The following FNDC3A variants were observed in gnomAD, a reference collection of about 807,000 sequenced individuals.
FNDC3A encodes the protein fibronectin type-III domain-containing protein 3A.
FNDC3A carries 32 observed loss-of-function variants against 148.9 expected under a neutral mutation model. The ratio of observed to expected loss-of-function variants is 0.21; its 90% CI spans 0.16 to 0.29. FNDC3A has a LOEUF of 0.29. Ranked by LOEUF, FNDC3A falls within the 10% of genes least tolerant of loss-of-function variation. FNDC3A has a pLI of 1.00. For synonymous variants in FNDC3A, 472 were observed against 473.6 expected (o/e 1.00, Z 0.04); for missense variants, 1,191 against 1,452.8 (o/e 0.82, Z 2.93).
At chr13:49,070,090 A>G (rs1375675282) in intron 2 of FNDC3A, among the ~76,000 whole-genome samples, 3 of 152,198 alleles carry the variant, frequency 2.0e-5, no homozygotes, top group Non-Finnish European at 2.9e-5. Flanking sequence ...TAATAGAAAT[A>G]TAATACAAGC....
intron 4 of FNDC3A, among the ~76,000 whole-genome samples, chr13:49,117,300 G>C (rs146865819): frequency 6.6e-6 from 1 of 152,052 alleles, no homozygotes; most frequent in South Asian, 2.1e-4. Flanking sequence ...GGCTTTACAC[G>C]GTTCTGTCCT....
At chr13:49,048,131 A>G (rs899672642) in intron 2 of FNDC3A, among the ~76,000 whole-genome samples, 4 of 151,982 alleles carry the variant, frequency 2.6e-5, no homozygotes, top group Admixed American at 6.6e-5. Context: ...TGGGTTTTCT[A>G]TTCTACTCCA....
rs115881788 is a variant in FNDC3A at position 49,066,307 on chromosome 13, C to G, written c.100-8982C>G. Among the ~76,000 whole-genome samples, 634 of 152,294 alleles carry G rather than the reference C, an allele frequency of 4.2e-3. 5 individuals carry two copies. Among genetic ancestry groups the G allele is most frequent in the African/African-American group, 0.015 (607 of 41,556 alleles). On this transcript the variant is annotated intron_variant, in intron 2 of 25. Transcript: ENST00000492622. Reference sequence around the variant, plus strand: ...TTCATTTGTGACTTCTGAACTAACTCTCAAGGCAATCTAGAAAAAAGTAGT... The same window carrying G: ...TTCATTTGTGACTTCTGAACTAACTGTCAAGGCAATCTAGAAAAAAGTAGT...
intron 8 of FNDC3A, among the ~76,000 whole-genome samples, chr13:49,165,418 T>C (rs1032252436): frequency 6.6e-6 from 1 of 152,208 alleles, no homozygotes; most frequent in African/African-American, 2.4e-5. Flanking sequence ...GTAGTCTTTG[T>C]ATAACTTCTG....
intron 4 of FNDC3A, among the ~76,000 whole-genome samples, chr13:49,116,888 A>AGG (rs925303958): frequency 3.2e-4 from 48 of 152,132 alleles, no homozygotes; most frequent in Admixed American, 3.1e-3. Context: ...CAAGTCTTGA[A>AGG]GGACAGGTGG....
intron 2 of FNDC3A, among the ~76,000 whole-genome samples, chr13:49,008,990 A>C (rs897909880): frequency 2.0e-5 from 3 of 152,152 alleles, no homozygotes; most frequent in Non-Finnish European, 4.4e-5. Flanking sequence ...ATGCGTTATT[A>C]TTAAGTAAGG....
chr13:49,075,824 C>T (rs1878065920), intron 3 of FNDC3A, among the ~76,000 whole-genome samples: 2 of 145,624 alleles, frequency 1.4e-5, no homozygotes, highest in Non-Finnish European at 3.0e-5. Context: ...CACCCCCACC[C>T]CCCCTTTCAG....
At chr13:49,190,934 A>G (rs867969995) in intron 17 of FNDC3A, 81 bp from the exon 18 acceptor site, 4 of 838,512 alleles carry the variant, frequency 4.8e-6, no homozygotes, top group East Asian at 5.0e-5. Context: ...ATTTGTGTTT[A>G]TATTATTTTT....
intron 7 of FNDC3A, among the ~76,000 whole-genome samples, chr13:49,145,556 A>G (rs946588315): frequency 6.6e-6 from 1 of 152,148 alleles, no homozygotes; most frequent in Non-Finnish European, 1.5e-5. Context: ...GTCTACGCTA[A>G]TAGTTTTGAA....
intron 1 of FNDC3A, among the ~76,000 whole-genome samples, chr13:48,993,445 AATAGGACTTT>A (rs1951957897): frequency 6.6e-6 from 1 of 152,214 alleles, no homozygotes; most frequent in Non-Finnish European, 1.5e-5. Context: ...TTAGAGCAAC[AATAGGACTTT>A]AGATTCTTAG....
chr13:49,058,287 T>C (rs959975585), intron 2 of FNDC3A, among the ~76,000 whole-genome samples: 2 of 151,978 alleles, frequency 1.3e-5, no homozygotes, highest in African/African-American at 4.8e-5. Flanking sequence ...CACCAGTAAT[T>C]AGAAAGGAAC....
intron 19 of FNDC3A, among the ~76,000 whole-genome samples, chr13:49,192,428 G>T (rs192383010): frequency 1.1e-4 from 17 of 152,144 alleles, no homozygotes; most frequent in African/African-American, 4.1e-4. Flanking sequence ...CCAAGTAGCT[G>T]GGACCACAGG....
At chr13:49,084,001 C>G (rs777733511) in intron 3 of FNDC3A, among the ~76,000 whole-genome samples, 1 of 152,198 alleles carries the variant, frequency 6.6e-6, no homozygotes, top group African/African-American at 2.4e-5. Flanking sequence ...TTTAACAAGT[C>G]TATCTGTGCA....
Position 49,071,342 on chromosome 13 carries a change from A to G in FNDC3A, c.100-3947A>G, listed in dbSNP as rs537044283. ...GAATAGTGCTGCAATAAACATGGGAATACAAATATCTCTTTGATATACTGA... is the reference window on the plus strand; with the variant it reads ...GAATAGTGCTGCAATAAACATGGGAGTACAAATATCTCTTTGATATACTGA... On this transcript the variant is annotated intron_variant, in intron 2 of 25. Coordinates refer to ENST00000492622, the MANE Select transcript of FNDC3A (RefSeq NM_001079673.2). 2.8e-4 allele frequency among the ~76,000 whole-genome samples: 42 copies of G among 152,228 alleles called. No homozygotes were observed. In the South Asian group the frequency reaches 8.3e-3, roughly 30 times the overall value.
chr13:49,013,540 G>A (rs1952409835), intron 2 of FNDC3A, among the ~76,000 whole-genome samples: 1 of 151,176 alleles, frequency 6.6e-6, no homozygotes, highest in Admixed American at 6.6e-5. Flanking sequence ...GTATATACGT[G>A]TACATGTGTA....
At chr13:49,106,343 C>T (rs1003263877) in intron 3 of FNDC3A, among the ~76,000 whole-genome samples, 4 of 152,166 alleles carry the variant, frequency 2.6e-5, no homozygotes, top group Admixed American at 1.3e-4. Flanking sequence ...GATGGGGTCT[C>T]ACTCTGTTGT....
At chr13:49,003,296 C>T (rs1952160263) in intron 1 of FNDC3A, among the ~76,000 whole-genome samples, 2 of 152,202 alleles carry the variant, frequency 1.3e-5, no homozygotes, top group South Asian at 4.1e-4. Context: ...ATCTCCTGAC[C>T]TCAAGTGATG....
chr13:48,993,970 A>G (rs551357921), intron 1 of FNDC3A, among the ~76,000 whole-genome samples: 3 of 152,334 alleles, frequency 2.0e-5, no homozygotes, highest in East Asian at 3.9e-4. Context: ...GTTTCACTAG[A>G]ATGATATTAC....
intron 19 of FNDC3A, among the ~76,000 whole-genome samples, chr13:49,195,529 A>G (rs900722636): frequency 6.6e-6 from 1 of 152,276 alleles, no homozygotes; most frequent in African/African-American, 2.4e-5. Context: ...TTAGGGCCTA[A>G]TGGTTACATT....
Sources: gnomAD v4.1 joint callset for allele counts (sites outside exome capture counted in the v4.1 genomes callset) on GRCh38, gnomAD v4.1.1 for gene constraint, MANE v1.5 for transcripts, NCBI Gene and HGNC (gene_info 2026-07-23, HGNC 2026-07-21) for gene names.